Variants in BCAS1 observed in about 807,000 individuals in gnomAD.
The protein encoded by BCAS1 is brain enriched myelin associated protein 1.
BCAS1 carries 46 observed loss-of-function variants against 65.4 expected under a neutral mutation model. That is an observed-to-expected ratio of 0.70 (90% confidence interval 0.55 to 0.90). The LOEUF is 0.90. Among genes scored for constraint, BCAS1 ranks in the 40% least tolerant of loss-of-function variants. BCAS1 has a pLI of 0.00. For missense variants in BCAS1, 793 were observed against 771.2 expected (o/e 1.03, Z -0.33); for synonymous variants, 298 against 293.5 (o/e 1.02, Z -0.16).
In BCAS1 at chr20:54,034,600, A is replaced by T. The variant is rs139430990; in HGVS notation, c.143-5628T>A. On this transcript the variant is annotated intron_variant, in intron 3 of 12. Coordinates refer to ENST00000688948, the MANE Select transcript of BCAS1 (RefSeq NM_001366298.2). ...AGGGAGGTGAAAGATCTCTACAAGG[A>T]GAATAATGAACCAGCGCTCAAAGAA... 1.5e-4 allele frequency among the ~76,000 whole-genome samples: 23 copies of T among 151,428 alleles called. No individual in the cohort carries two copies. In the East Asian group the frequency reaches 4.4e-3, roughly 29 times the overall value.
chr20:53,999,429 G>T (rs1356713031), intron 4 of BCAS1, among the ~76,000 whole-genome samples: 1 of 152,222 alleles, frequency 6.6e-6, no homozygotes, highest in Non-Finnish European at 1.5e-5. Context: ...CAAGGCCACA[G>T]TTGGCAAGCG....
chr20:53,978,784 T>TCC (rs2090402800), intron 8 of BCAS1, among the ~76,000 whole-genome samples: 2 of 152,198 alleles, frequency 1.3e-5, no homozygotes, highest in Non-Finnish European at 2.9e-5. Context: ...CCCTTTAGTG[T>TCC]TTGACACATG....
At chr20:54,052,067 T>A (rs762445541) in intron 3 of BCAS1, among the ~76,000 whole-genome samples, 6 of 152,150 alleles carry the variant, frequency 3.9e-5, no homozygotes, top group Non-Finnish European at 7.3e-5. Context: ...AAAACTTCAT[T>A]GTACCTTAAC....
chr20:54,034,122 G>A (rs1205836042), intron 3 of BCAS1, among the ~76,000 whole-genome samples: 1 of 151,284 alleles, frequency 6.6e-6, no homozygotes, highest in African/African-American at 2.4e-5. Context: ...AGGTATTGAA[G>A]GAACATACCT....
At chr20:53,985,759 C>T (rs2145779587) in intron 7 of BCAS1, among the ~76,000 whole-genome samples, 1 of 152,210 alleles carries the variant, frequency 6.6e-6, no homozygotes, top group South Asian at 2.1e-4. Flanking sequence ...CATTAGGAAT[C>T]AAGGTGGTGG....
chr20:53,979,478 A>T (rs1231064986), intron 8 of BCAS1, among the ~76,000 whole-genome samples: 1 of 152,100 alleles, frequency 6.6e-6, no homozygotes, highest in African/African-American at 2.4e-5. Context: ...CTGCAGCGGG[A>T]TTCTCCTTCC....
chr20:54,005,882 G>A (rs2091174933), intron 4 of BCAS1, among the ~76,000 whole-genome samples: 2 of 152,192 alleles, frequency 1.3e-5, no homozygotes, highest in South Asian at 4.1e-4. Context: ...AGGTGGGGAT[G>A]GGTTTGGGGA....
At chr20:54,059,257 C>A (rs1421094783) in intron 1 of BCAS1, among the ~76,000 whole-genome samples, 1 of 152,142 alleles carries the variant, frequency 6.6e-6, no homozygotes, top group Non-Finnish European at 1.5e-5. Context: ...ATTTTGGACT[C>A]ATGTATTCAA....
intron 4 of BCAS1, among the ~76,000 whole-genome samples, chr20:54,016,933 G>A (rs1295562333): frequency 6.6e-6 from 1 of 152,164 alleles, no homozygotes; most frequent in African/African-American, 2.4e-5. Flanking sequence ...ATCACTACCT[G>A]TTTTACTACC....
intron 4 of BCAS1, among the ~76,000 whole-genome samples, chr20:53,996,478 A>G (rs915825057): frequency 1.4e-5 from 2 of 142,084 alleles, no homozygotes; most frequent in Admixed American, 6.8e-5. Context: ...AAAAAAAAAA[A>G]AAAAGAAAAA....
chr20:53,963,788 T>C (rs1032565549), intron 10 of BCAS1, among the ~76,000 whole-genome samples: 1 of 152,246 alleles, frequency 6.6e-6, no homozygotes, highest in African/African-American at 2.4e-5. Flanking sequence ...TTGGAAGCTA[T>C]GAACATGTTA....
At chr20:54,012,438 G>A (rs1291107324) in intron 4 of BCAS1, among the ~76,000 whole-genome samples, 2 of 145,784 alleles carry the variant, frequency 1.4e-5, no homozygotes, top group African/African-American at 5.1e-5. Context: ...AGCTGCATGT[G>A]AATCTACAAT....
At chr20:54,019,518 G>C (rs2091510687) in intron 4 of BCAS1, among the ~76,000 whole-genome samples, 1 of 152,206 alleles carries the variant, frequency 6.6e-6, no homozygotes. Flanking sequence ...GTGTCAACTT[G>C]ATTGGATTGA....
chr20:53,989,695 C>G (rs1310028954), intron 7 of BCAS1, among the ~76,000 whole-genome samples: 1 of 152,172 alleles, frequency 6.6e-6, no homozygotes, highest in Non-Finnish European at 1.5e-5. Context: ...GGAGTTCTGC[C>G]AGCATCAACC....
chr20:53,998,789 T>C (rs1320735779), intron 4 of BCAS1, among the ~76,000 whole-genome samples: 1 of 151,682 alleles, frequency 6.6e-6, no homozygotes, highest in African/African-American at 2.4e-5. Context: ...TTATTATTTA[T>C]TATAGAATAA....
intron 11 of BCAS1, among the ~76,000 whole-genome samples, chr20:53,956,663 A>C (rs2089709863): frequency 1.8e-5 from 2 of 108,650 alleles, no homozygotes; most frequent in African/African-American, 3.0e-5. Flanking sequence ...TCACACAGCA[A>C]AAAAAAAAAA....
intron 10 of BCAS1, among the ~76,000 whole-genome samples, chr20:53,965,991 G>A (rs2090015736): frequency 1.3e-5 from 2 of 152,198 alleles, no homozygotes; most frequent in Admixed American, 6.5e-5. Flanking sequence ...ATGTTGGCGT[G>A]GAGGTGGTGA....
chr20:54,041,771 C>G (rs1002803876), intron 3 of BCAS1, among the ~76,000 whole-genome samples: 3 of 151,004 alleles, frequency 2.0e-5, no homozygotes, highest in African/African-American at 7.3e-5. Context: ...TAGTGGCGGG[C>G]GCCTGTAATC....
chr20:54,050,730 G>A (rs768654957), intron 3 of BCAS1, among the ~76,000 whole-genome samples: 15 of 152,186 alleles, frequency 9.9e-5, no homozygotes, highest in East Asian at 3.9e-4. Context: ...CTCCCCTTGC[G>A]TCCCTCCCCA....
Sources: gnomAD v4.1 joint callset for allele counts (sites outside exome capture counted in the v4.1 genomes callset) on GRCh38, gnomAD v4.1.1 for gene constraint, MANE v1.5 for transcripts, NCBI Gene and HGNC (gene_info 2026-07-23, HGNC 2026-07-21) for gene names.